Variants in CDH9 observed in about 807,000 individuals in gnomAD.
The protein encoded by CDH9 is cadherin 9, also known as cadherin-9.
Under a neutral mutation model 70.9 loss-of-function variants are expected in CDH9, and 28 were observed. That is an observed-to-expected ratio of 0.40 (90% confidence interval 0.29 to 0.54). The LOEUF is 0.54. Among genes scored for constraint, CDH9 ranks in the 20% least tolerant of loss-of-function variants. The pLI, the probability that CDH9 is intolerant of heterozygous loss-of-function variation, is 0.59. For missense variants in CDH9, 874 were observed against 984.4 expected, an observed-to-expected ratio of 0.89 and a Z score of 1.50; for synonymous variants, 409 against 343.1, an observed-to-expected ratio of 1.19 and a Z score of -2.12.
At chr5:26,921,028 A>T (rs572250003) in intron 2 of CDH9, among the ~76,000 whole-genome samples, 1 of 152,220 alleles carries the variant, frequency 6.6e-6, no homozygotes, top group Non-Finnish European at 1.5e-5. Context: ...ATAGGGCACC[A>T]GGTACTAATT....
chr5:26,964,054 TA>T lies in CDH9; in HGVS notation c.228+24051del, dbSNP rs554681912. ...ATATGAGTGCTCATGTTAAATATAA[TA>T]AAAAATTGTGAAGAGTATTTTCACA... On this transcript the variant is annotated intron_variant, in intron 2 of 11. Transcript: ENST00000231021. Among the ~76,000 whole-genome samples, 962 of 152,192 alleles carry T rather than the reference TA, an allele frequency of 6.3e-3. 10 individuals are homozygous for T. Among genetic ancestry groups the T allele is most frequent in the African/African-American group, 0.022 (903 of 41,548 alleles).
intron 2 of CDH9, among the ~76,000 whole-genome samples, chr5:26,975,783 T>A (rs1031653107): frequency 6.6e-6 from 1 of 152,220 alleles, no homozygotes; most frequent in African/African-American, 2.4e-5. Context: ...AAGCTTCTTA[T>A]AGCCTATATC....
At chr5:26,921,023 G>A (rs1440129312) in intron 2 of CDH9, among the ~76,000 whole-genome samples, 1 of 152,120 alleles carries the variant, frequency 6.6e-6, no homozygotes, top group Non-Finnish European at 1.5e-5. Flanking sequence ...ACTAAATAGG[G>A]CACCAGGTAC....
At chr5:26,964,314 G>A (rs1742090959) in intron 2 of CDH9, among the ~76,000 whole-genome samples, 1 of 152,150 alleles carries the variant, frequency 6.6e-6, no homozygotes. Flanking sequence ...AAAAGAAACA[G>A]TTGTTTCTAC....
intron 1 of CDH9, among the ~76,000 whole-genome samples, chr5:27,005,020 T>C (rs1742836506): frequency 6.6e-6 from 1 of 152,152 alleles, no homozygotes; most frequent in Non-Finnish European, 1.5e-5. Context: ...TAAAATTTGA[T>C]ATTCAGCTAA....
At chr5:26,993,533 T>A (rs1442453670) in intron 1 of CDH9, among the ~76,000 whole-genome samples, 2 of 151,880 alleles carry the variant, frequency 1.3e-5, no homozygotes, top group African/African-American at 2.4e-5. Flanking sequence ...TGGCTAAATG[T>A]CTTTTGATAA....
intron 2 of CDH9, among the ~76,000 whole-genome samples, chr5:26,929,151 C>T (rs1010142110): frequency 1.3e-5 from 2 of 151,852 alleles, no homozygotes; most frequent in African/African-American, 4.8e-5. Flanking sequence ...GAAAGAAAAT[C>T]TAAGTATTCG....
chr5:26,994,398 TA>T (rs1315129054), intron 1 of CDH9, among the ~76,000 whole-genome samples: 1 of 152,142 alleles, frequency 6.6e-6, no homozygotes, highest in African/African-American at 2.4e-5. Context: ...CTGATAGTAT[TA>T]GGAGGTGGGG....
rs113264250 is a variant in CDH9, at chr5:26,881,369, G to A, written c.2137C>T (p.Gln713Ter). The A allele has an allele frequency of 6.2e-7, 1 of 1,612,270 alleles. No individual in the cohort carries two copies. Among genetic ancestry groups the A allele is most frequent in the Non-Finnish European group, 8.5e-7 (1 of 1,178,666 alleles). ...TTTAATCTTCGATGGATAAAATCTT[G>A]TACATCAATATTTTCCCACAGAGGC... Reference protein sequence around the residue: ...TVPLWENIDVQDFIHRRLKEN... With the variant: ...TVPLWENIDV Residue 713 changes from glutamine (Q) to a stop codon, truncating the protein, a stop_gained, in exon 12 of 12, where the codon CAA (glutamine) becomes TAA (stop). Coordinates refer to ENST00000231021, the MANE Select transcript of CDH9 (RefSeq NM_016279.4). LOFTEE classifies it high-confidence loss of function.
intron 2 of CDH9, among the ~76,000 whole-genome samples, chr5:26,985,851 T>C (rs560383717): frequency 6.6e-6 from 1 of 152,168 alleles, no homozygotes; most frequent in South Asian, 2.1e-4. Flanking sequence ...TAAATCCTTA[T>C]CAGAACTCAT....
rs117393779 is a variant in CDH9, at chr5:27,021,686, C to T, written c.-50+16777G>A. 2.0e-4 allele frequency among the ~76,000 whole-genome samples: 31 copies of T among 151,968 alleles called. No individual in the cohort carries two copies. The East Asian group carries it at 6.0e-3, about 29-fold the overall frequency. Reference sequence around the variant, plus strand: ...TGCTAATTATGTGTGGTTTATCCAACACAGCTGCTCTTCATGTTCCCCATA... The same window carrying T: ...TGCTAATTATGTGTGGTTTATCCAATACAGCTGCTCTTCATGTTCCCCATA... On this transcript the variant is annotated intron_variant, in intron 1 of 11. Transcript: ENST00000231021.
chr5:26,885,883 TA>T lies in CDH9; in HGVS notation c.1631-19del, dbSNP rs752142379. The T allele has an allele frequency of 1.2e-6, 2 of 1,606,506 alleles. No individual in the cohort carries two copies. Among genetic ancestry groups the T allele is most frequent in the Non-Finnish European group, 8.5e-7 (1 of 1,177,024 alleles). Reference sequence around the variant, plus strand: ...TGTATTATCTGGGGGAGAAAACATGTAAAAAAACAAAAACTTTCATATTTGT... The same window carrying T: ...TGTATTATCTGGGGGAGAAAACATGTAAAAAACAAAAACTTTCATATTTGT... On this transcript the variant is annotated intron_variant, in intron 10 of 11. Coordinates refer to ENST00000231021, the MANE Select transcript of CDH9 (RefSeq NM_016279.4).
At position 27,023,470 on chromosome 5, in the gene CDH9, G is replaced by C. The variant is rs117106839; in HGVS notation, c.-50+14993C>G. Among the ~76,000 whole-genome samples the C allele has an allele frequency of 3.4e-3, 520 of 152,050 alleles. 20 individuals carry two copies. The East Asian group carries it at 0.07, about 20-fold the overall frequency. The stretch of plus-strand genomic sequence containing the variant: ...AGGATTATGAAACAAAAATAATTTT[G>C]TAAAAATATATAGATTCTCATTGAT... On this transcript the variant is annotated intron_variant, in intron 1 of 11. Coordinates refer to ENST00000231021, the MANE Select transcript of CDH9 (RefSeq NM_016279.4).
rs1409947188 is a variant in CDH9 at position 26,903,777 on chromosome 5, G to A, written c.859C>T (p.Leu287Phe). 6.2e-7 allele frequency: 1 copy of A among 1,606,232 alleles called. No homozygotes were observed. Among genetic ancestry groups the A allele is most frequent in the Non-Finnish European group, 8.5e-7 (1 of 1,175,522 alleles). ...SPESVPLGTH[L>F]GRIKANDPDV... Reference sequence around the variant, plus strand: ...GGGTCATTGGCTTTTATCCTTCCAAGATGAGTTCCAAGAGGTACAGACTCA... The same window carrying A: ...GGGTCATTGGCTTTTATCCTTCCAAAATGAGTTCCAAGAGGTACAGACTCA... Residue 287 changes from leucine to phenylalanine, a missense_variant, in exon 6 of 12, where the codon CTT becomes TTT. Coordinates refer to ENST00000231021, the MANE Select transcript of CDH9 (RefSeq NM_016279.4).
At chr5:26,885,212 T>A (rs1052003395) in intron 11 of CDH9, among the ~76,000 whole-genome samples, 5 of 152,170 alleles carry the variant, frequency 3.3e-5, no homozygotes, top group African/African-American at 1.2e-4. Flanking sequence ...GAATACTAGC[T>A]AAAGCTTTTC....
rs1236217316 is a variant in CDH9 at position 26,951,503 on chromosome 5, A to G, written c.229-35579T>C. On this transcript the variant is annotated intron_variant, in intron 2 of 11. Transcript: ENST00000231021. ...GATTAATTTGGCATACTCCCTGGAAAACGTCGCATAAGCTATATAAGTATA... is the reference window on the plus strand; with the variant it reads ...GATTAATTTGGCATACTCCCTGGAAGACGTCGCATAAGCTATATAAGTATA... Among the ~76,000 whole-genome samples, 3 of 152,020 alleles carry G rather than the reference A, an allele frequency of 2.0e-5. No homozygotes were observed. The East Asian group carries it at 5.8e-4, about 29-fold the overall frequency.
chr5:26,965,387 C>T lies in CDH9; in HGVS notation c.228+22719G>A, dbSNP rs568096984. Among the ~76,000 whole-genome samples the T allele has an allele frequency of 5.3e-5, 8 of 151,842 alleles. No homozygotes were observed. The South Asian group carries it at 1.7e-3, about 32-fold the overall frequency. On this transcript the variant is annotated intron_variant, in intron 2 of 11. Transcript: ENST00000231021. ...GGTCAGGAGTTCACAACCTGCCTGG[C>T]CAACATAGTGAAACCCCATCTCTAG...
intron 1 of CDH9, among the ~76,000 whole-genome samples, chr5:27,002,297 T>C (rs1742784669): frequency 6.6e-6 from 1 of 152,048 alleles, no homozygotes; most frequent in African/African-American, 2.4e-5. Context: ...TATGGAGAAA[T>C]AGGAACACTT....
intron 2 of CDH9, among the ~76,000 whole-genome samples, chr5:26,950,865 G>A (rs1741832122): frequency 6.6e-6 from 1 of 152,024 alleles, no homozygotes; most frequent in South Asian, 2.1e-4. Context: ...AGAAAACATG[G>A]CACAGAGTAT....
Sources: gnomAD v4.1 joint callset for allele counts (sites outside exome capture counted in the v4.1 genomes callset) on GRCh38, gnomAD v4.1.1 for gene constraint, MANE v1.5 for transcripts, NCBI Gene and HGNC (gene_info 2026-07-23, HGNC 2026-07-21) for gene names.